Variants in TPRG1 observed in about 807,000 individuals in gnomAD.
The protein encoded by TPRG1 is tumor protein p63-regulated gene 1 protein.
A neutral mutation model predicts 29.3 loss-of-function variants in TPRG1; 29 were observed. The observed-to-expected ratio is 0.99, with a 90% CI of 0.74 to 1.35. The LOEUF (loss-of-function observed/expected upper bound fraction) is 1.35. TPRG1 is among the 40% of genes most tolerant of loss of function. The pLI is 0.00. For synonymous variants in TPRG1, 130 were observed against 116.8 expected, an observed-to-expected ratio of 1.11 and a Z score of -0.73; for missense variants, 327 against 335.0, an observed-to-expected ratio of 0.98 and a Z score of 0.19.
intron 5 of TPRG1, among the ~76,000 whole-genome samples, chr3:189,316,446 T>C (rs1200648876): frequency 6.6e-6 from 1 of 152,084 alleles, no homozygotes; most frequent in African/African-American, 2.4e-5. Flanking sequence ...GCCTGCAGGC[T>C]CAGAAAACCA....
Position 189,044,731 on chromosome 3 carries a change from T to C in TPRG1, c.-463+20785T>C, listed in dbSNP as rs1714863255. Among the ~76,000 whole-genome samples, 5 of 152,188 alleles carry C rather than the reference T, an allele frequency of 3.3e-5. No homozygotes were observed. In the South Asian group the frequency reaches 1.0e-3, roughly 32 times the overall value. On this transcript the variant is annotated intron_variant, in intron 4 of 10. Transcript: ENST00000433971. ...AAGTTGCATGAGGCAGGGAAGAAGT[T>C]TGAAAAAGGTAGTTGGTGGTCTTCT... is the stretch of plus-strand genomic sequence containing the variant.
At chr3:189,248,391 A>T (rs779097801) in intron 4 of TPRG1, among the ~76,000 whole-genome samples, 10 of 151,744 alleles carry the variant, frequency 6.6e-5, no homozygotes, top group Non-Finnish European at 1.2e-4. Flanking sequence ...TGATTGTTTG[A>T]TAGATTTTAA....
chr3:189,016,291 T>C (rs948260077), intron 3 of TPRG1, among the ~76,000 whole-genome samples: 6 of 152,118 alleles, frequency 3.9e-5, no homozygotes, highest in Non-Finnish European at 8.8e-5. Context: ...GCCAATTCCT[T>C]CCATTTGGAA....
At chr3:189,070,886 AC>A (rs1232658430) in intron 4 of TPRG1, among the ~76,000 whole-genome samples, 1 of 152,052 alleles carries the variant, frequency 6.6e-6, no homozygotes, top group Non-Finnish European at 1.5e-5. Context: ...CTGGCCTTTG[AC>A]AGTCCAAGAT....
chr3:189,020,210 G>T (rs1273241345), intron 3 of TPRG1, among the ~76,000 whole-genome samples: 1 of 149,670 alleles, frequency 6.7e-6, no homozygotes, highest in African/African-American at 2.4e-5. Flanking sequence ...TTTTTGAAGG[G>T]TTTTTTGTGT....
intron 4 of TPRG1, among the ~76,000 whole-genome samples, chr3:189,079,936 A>C (rs1717474913): frequency 6.6e-6 from 1 of 152,188 alleles, no homozygotes; most frequent in African/African-American, 2.4e-5. Flanking sequence ...CAAGATAATA[A>C]ATGCTTTGTA....
chr3:189,157,447 G>A (rs1726843401), intron 5 of TPRG1, among the ~76,000 whole-genome samples: 1 of 152,144 alleles, frequency 6.6e-6, no homozygotes. Context: ...CAAGGCAGAT[G>A]GTCATGCTTC....
intron 4 of TPRG1, among the ~76,000 whole-genome samples, chr3:189,269,149 G>GA (rs541788434): frequency 5.1e-4 from 75 of 148,246 alleles, no homozygotes; most frequent in Non-Finnish European, 9.5e-4. Flanking sequence ...AAAGCACACA[G>GA]AAAAAAAAGG....
At chr3:189,116,986 T>C (rs990934322) in intron 1 of TPRG1, among the ~76,000 whole-genome samples, 1 of 152,180 alleles carries the variant, frequency 6.6e-6, no homozygotes, top group Admixed American at 6.5e-5. Flanking sequence ...CTAAAAAAAA[T>C]TTTCTCAAAG....
At chr3:189,064,072 G>T (rs902060473) in intron 4 of TPRG1, among the ~76,000 whole-genome samples, 4 of 152,066 alleles carry the variant, frequency 2.6e-5, no homozygotes, top group South Asian at 2.1e-4. Context: ...AATTGTGAAG[G>T]TGCATGTAAA....
intron 1 of TPRG1, among the ~76,000 whole-genome samples, chr3:189,116,390 G>A (rs1721174993): frequency 6.6e-6 from 1 of 152,134 alleles, no homozygotes; most frequent in Admixed American, 6.5e-5. Flanking sequence ...TCTTGGCCAG[G>A]TTGGTGTTGA....
At chr3:189,097,244 C>A (rs1411133475), upstream of TPRG1, among the ~76,000 whole-genome samples, 1 of 152,176 alleles carries the variant, frequency 6.6e-6, no homozygotes, top group Non-Finnish European at 1.5e-5. Context: ...GTGGTGGATA[C>A]ACCTTTTCCA....
chr3:189,109,713 A>G (rs1161444839), intron 1 of TPRG1, among the ~76,000 whole-genome samples: 1 of 152,186 alleles, frequency 6.6e-6, no homozygotes, highest in African/African-American at 2.4e-5. Context: ...AAATTTACAG[A>G]CATTCCCTTT....
At chr3:189,223,867 T>C (rs144081590) in intron 3 of TPRG1, among the ~76,000 whole-genome samples, 1 of 152,286 alleles carries the variant, frequency 6.6e-6, no homozygotes, top group East Asian at 1.9e-4. Context: ...ATTATTATTA[T>C]TAGTAGTAAT....
chr3:189,286,325 G>A (rs1339655726), intron 4 of TPRG1, among the ~76,000 whole-genome samples: 1 of 151,790 alleles, frequency 6.6e-6, no homozygotes, highest in Non-Finnish European at 1.5e-5. Flanking sequence ...ATATCCTTCT[G>A]CCACATAGTA....
chr3:189,174,654 A>G (rs1176839246), intron 1 of TPRG1, among the ~76,000 whole-genome samples: 1 of 152,244 alleles, frequency 6.6e-6, no homozygotes, highest in Admixed American at 6.5e-5. Flanking sequence ...TGTAAGAGAT[A>G]TAGGATATAT....
chr3:189,088,344 C>A (rs1718101945), intron 4 of TPRG1, among the ~76,000 whole-genome samples: 1 of 152,120 alleles, frequency 6.6e-6, no homozygotes, highest in South Asian at 2.1e-4. Context: ...GATTTTTGCA[C>A]ATTGATTTTG....
intron 4 of TPRG1, among the ~76,000 whole-genome samples, chr3:189,087,500 C>T (rs1296380573): frequency 1.3e-5 from 2 of 152,282 alleles, no homozygotes; most frequent in East Asian, 3.9e-4. Flanking sequence ...TGCAGAAGCT[C>T]TTTAGTTTAA....
At chr3:189,103,498 C>G (rs1719446044) in intron 1 of TPRG1, among the ~76,000 whole-genome samples, 1 of 152,144 alleles carries the variant, frequency 6.6e-6, no homozygotes, top group African/African-American at 2.4e-5. Flanking sequence ...CATGTTCCTT[C>G]CCTACACCAC....
Sources: gnomAD v4.1 joint callset for allele counts (sites outside exome capture counted in the v4.1 genomes callset) on GRCh38, gnomAD v4.1.1 for gene constraint, MANE v1.5 for transcripts, NCBI Gene and HGNC (gene_info 2026-07-23, HGNC 2026-07-21) for gene names.